The following PPP2R2B variants were observed in gnomAD, a reference collection of about 807,000 sequenced individuals.
PPP2R2B encodes the protein serine/threonine-protein phosphatase 2A 55 kDa regulatory subunit B beta isoform.
In PPP2R2B, 5 loss-of-function variants were observed where a neutral mutation model predicts 46.0. The ratio of observed to expected loss-of-function variants is 0.11; its 90% CI spans 0.06 to 0.23. PPP2R2B has a LOEUF of 0.23. Ranked by LOEUF, PPP2R2B falls within the 10% of genes least tolerant of loss-of-function variation. PPP2R2B has a pLI of 1.00. For synonymous variants in PPP2R2B, 215 were observed against 206.7 expected, an observed-to-expected ratio of 1.04 and a Z score of -0.34; for missense variants, 367 against 575.0, an observed-to-expected ratio of 0.64 and a Z score of 3.70.
At chr5:147,072,430 T>G (rs1757628294) in intron 2 of PPP2R2B, among the ~76,000 whole-genome samples, 1 of 152,228 alleles carries the variant, frequency 6.6e-6, no homozygotes. Flanking sequence ...CTATTTTCAG[T>G]CAATAAATAT....
At position 146,900,845 on chromosome 5, in the gene PPP2R2B, T is replaced by G. The variant is rs548788661; in HGVS notation, c.79+154820A>C. ...GTGTGTTATTGTTCCCCTCCCTGTG[T>G]TTATGCGTTCATTTCATTCAGCTCC... is the stretch of plus-strand genomic sequence containing the variant. On this transcript the variant is annotated intron_variant, in intron 1 of 8. Coordinates refer to the PPP2R2B transcript ENST00000336640. 1.5e-3 allele frequency among the ~76,000 whole-genome samples: 220 copies of G among 151,658 alleles called. 1 individual carries two copies. The highest frequency in any genetic ancestry group is 2.2e-3 in the Non-Finnish European group (147 of 67,954).
intron 6 of PPP2R2B, among the ~76,000 whole-genome samples, chr5:146,646,080 T>C (rs1338290989): frequency 6.6e-6 from 1 of 152,362 alleles, no homozygotes; most frequent in Admixed American, 6.5e-5. Flanking sequence ...ATTCCCTGTC[T>C]TCACAGAAAT....
chr5:146,713,405 T>C (rs1459031336), intron 2 of PPP2R2B, among the ~76,000 whole-genome samples: 1 of 152,218 alleles, frequency 6.6e-6, no homozygotes, highest in Non-Finnish European at 1.5e-5. Flanking sequence ...TGTGAATGTA[T>C]TTGATGCCAC....
intron 1 of PPP2R2B, among the ~76,000 whole-genome samples, chr5:146,962,091 G>T (rs1326167739): frequency 6.9e-6 from 1 of 145,838 alleles, no homozygotes; most frequent in African/African-American, 2.6e-5. Context: ...CAACATCCCT[G>T]CCCCCATACT....
Position 146,698,240 on chromosome 5 carries a change from G to GGGATGAGGGCAGGGCCATGA in PPP2R2B, c.169-116_169-97dup, listed in dbSNP as rs1347016392. ...TTTTTTTCCAGCAGTCATTGGGGGT[G>GGGATGAGGGCAGGGCCATGA]GGATGAGGGCAGGGCCATGAGGATG... On this transcript the variant is annotated intron_variant, in intron 3 of 9. Transcript: ENST00000394411. 2.9e-6 allele frequency: 3 copies of GGGATGAGGGCAGGGCCATGA among 1,021,434 alleles called. No homozygotes were observed. In the African/African-American group the frequency reaches 5.4e-5, roughly 18 times the overall value. The allele number at this position is 1,021,434 out of a possible 1,614,324, so 63.3% of individuals were successfully genotyped here.
chr5:146,979,831 AT>A (rs1478767859), intron 1 of PPP2R2B, among the ~76,000 whole-genome samples: 1 of 152,188 alleles, frequency 6.6e-6, no homozygotes, highest in African/African-American at 2.4e-5. Context: ...TGTGAATGTG[AT>A]CTCTGTCTCT....
At chr5:146,952,514 A>T (rs749302610) in intron 1 of PPP2R2B, among the ~76,000 whole-genome samples, 7 of 152,220 alleles carry the variant, frequency 4.6e-5, no homozygotes, top group Non-Finnish European at 1.0e-4. Flanking sequence ...TAATTCCTGG[A>T]ATAGCTTTCA....
chr5:146,754,043 G>T (rs1753704821), intron 2 of PPP2R2B, among the ~76,000 whole-genome samples: 1 of 152,038 alleles, frequency 6.6e-6, no homozygotes, highest in Non-Finnish European at 1.5e-5. Context: ...ATAAATCCAG[G>T]CTTGAAAAGG....
chr5:147,021,768 A>G (rs1330039235), intron 1 of PPP2R2B, among the ~76,000 whole-genome samples: 1 of 152,230 alleles, frequency 6.6e-6, no homozygotes, highest in Non-Finnish European at 1.5e-5. Flanking sequence ...ACTCAACAAC[A>G]TAACATTAAC....
chr5:146,735,031 C>T (rs1313907242), intron 2 of PPP2R2B, among the ~76,000 whole-genome samples: 2 of 152,108 alleles, frequency 1.3e-5, no homozygotes, highest in Non-Finnish European at 2.9e-5. Context: ...AAGAGATGAA[C>T]TGAGCTAGAT....
At chr5:147,010,717 C>T (rs1277609185) in intron 1 of PPP2R2B, among the ~76,000 whole-genome samples, 1 of 152,122 alleles carries the variant, frequency 6.6e-6, no homozygotes, top group African/African-American at 2.4e-5. Context: ...TGCTGTGTGG[C>T]CCAGTTCTTA....
At chr5:146,713,300 G>A (rs1780308402) in intron 2 of PPP2R2B, among the ~76,000 whole-genome samples, 1 of 152,006 alleles carries the variant, frequency 6.6e-6, no homozygotes, top group Admixed American at 6.6e-5. Context: ...ACAAACAAGG[G>A]GTAAATAGGT....
At chr5:146,608,536 C>T (rs1022507180) in intron 7 of PPP2R2B, among the ~76,000 whole-genome samples, 14 of 152,096 alleles carry the variant, frequency 9.2e-5, no homozygotes, top group African/African-American at 2.7e-4. Context: ...GTGGCTCACA[C>T]CTGTAATCCC....
intron 1 of PPP2R2B, among the ~76,000 whole-genome samples, chr5:146,893,617 C>T (rs779675384): frequency 5.3e-5 from 8 of 151,942 alleles, no homozygotes; most frequent in African/African-American, 1.2e-4. Context: ...GTCAGGAGAC[C>T]GGCCTGGCCA....
chr5:146,686,088 C>T lies in PPP2R2B; in HGVS notation c.447+5040G>A, dbSNP rs1402792128. ...GAATTCCAGCTCTTCCGTTTTCTAG[C>T]CATGAGATTTTGGGCAAACTTCTTG... On this transcript the variant is annotated intron_variant, in intron 5 of 9. Transcript: ENST00000394411. 2.6e-5 allele frequency among the ~76,000 whole-genome samples: 4 copies of T among 152,186 alleles called. No homozygotes were observed. The East Asian group carries it at 7.7e-4, about 29-fold the overall frequency.
In PPP2R2B at chr5:146,745,962, A is replaced by G. The variant is rs199522593; in HGVS notation, c.71-44820T>C. On this transcript the variant is annotated intron_variant, in intron 2 of 9. Coordinates refer to ENST00000394411, the MANE Select transcript of PPP2R2B (RefSeq NM_181675.4). ...GACAGAGAGAGACTTGGTCTCAAAG[A>G]AAAAAAAAAAAAGATAAATTGTCCT... is the stretch of plus-strand genomic sequence containing the variant. 5.4e-3 allele frequency among the ~76,000 whole-genome samples: 25 copies of G among 4,618 alleles called. No homozygotes were observed. The South Asian group carries it at 0.081, about 15-fold the overall frequency. The allele number at this position is 4,618 out of a possible 152,430, so 3.0% of individuals were successfully genotyped here.
chr5:147,062,995 G>GGAGA (rs1757307009), intron 2 of PPP2R2B, among the ~76,000 whole-genome samples: 1 of 56,754 alleles, frequency 1.8e-5, no homozygotes, highest in Non-Finnish European at 2.9e-5. Flanking sequence ...AGGGAGGGAG[G>GGAGA]GAGGGGGGAA....
At chr5:146,817,684 A>G (rs1758011120) in intron 2 of PPP2R2B, among the ~76,000 whole-genome samples, 1 of 152,194 alleles carries the variant, frequency 6.6e-6, no homozygotes, top group Admixed American at 6.5e-5. Flanking sequence ...AATTTATGGA[A>G]ACTCGTAAAA....
At chr5:147,040,668 G>A in intron 1 of PPP2R2B, 1 of 422,210 alleles carries the variant, frequency 2.4e-6, no homozygotes, top group East Asian at 7.1e-5. Flanking sequence ...ATATACCCTG[G>A]CCCTGAATGA....
Sources: allele counts gnomAD v4.1 joint callset (sites outside exome capture counted in the v4.1 genomes callset), GRCh38; gene constraint gnomAD v4.1.1; transcripts MANE v1.5; gene names NCBI Gene and HGNC (gene_info 2026-07-23, HGNC 2026-07-21).